ADARB1: variants seen among roughly 807,000 people sequenced by gnomAD.
ADARB1 encodes adenosine deaminase RNA specific B1.
ADARB1 carries 10 observed loss-of-function variants against 52.4 expected under a neutral mutation model. The ratio of observed to expected loss-of-function variants is 0.19; its 90% CI spans 0.12 to 0.32. The LOEUF (loss-of-function observed/expected upper bound fraction) is 0.32. Ranked by LOEUF, ADARB1 falls within the 10% of genes least tolerant of loss-of-function variation. The probability of loss-of-function intolerance (pLI) is 1.00; values close to 1 mark genes in which losing one functional copy is unlikely to be tolerated. For synonymous variants in ADARB1, 349 were observed against 371.1 expected, an observed-to-expected ratio of 0.94 and a Z score of 0.68; for missense variants, 643 against 922.3, an observed-to-expected ratio of 0.70 and a Z score of 3.92.
intron 2 of ADARB1, among the ~76,000 whole-genome samples, chr21:45,171,116 G>A (rs1480478569): frequency 1.3e-5 from 2 of 152,224 alleles, no homozygotes; most frequent in African/African-American, 2.4e-5. Flanking sequence ...TGGCAAGTAT[G>A]TGAGCGCCCT....
At chr21:45,102,573 A>G (rs1254527219) in intron 1 of ADARB1, among the ~76,000 whole-genome samples, 4 of 152,244 alleles carry the variant, frequency 2.6e-5, no homozygotes, top group Non-Finnish European at 5.9e-5. Flanking sequence ...AGAAACAAAC[A>G]TAACCACACC....
In ADARB1 at chr21:45,182,631, A is replaced by C; in HGVS notation, c.1125A>C (p.Thr375=). ...DAKVISVSTG[T]KCINGEYMSD... ...AGGTGATAAGTGTTTCTACAGGAAC[A>C]AAATGTATTAATGGTGAATACATGA... The change falls in exon 6 of 11, where the codon ACA becomes ACC. Residue 375 remains threonine, a synonymous_variant. Coordinates refer to ENST00000348831, the MANE Select transcript of ADARB1 (RefSeq NM_001112.4). 1 of 1,606,844 alleles carries C rather than the reference A, an allele frequency of 6.2e-7. No individual in the cohort carries two copies. The highest frequency in any genetic ancestry group is 8.5e-7 in the Non-Finnish European group (1 of 1,178,202).
At chr21:45,075,598 A>G (rs2085898265) in intron 1 of ADARB1, among the ~76,000 whole-genome samples, 1 of 152,146 alleles carries the variant, frequency 6.6e-6, no homozygotes, top group African/African-American at 2.4e-5. Flanking sequence ...GTGACTTTTG[A>G]CGTGTTCACA....
intron 2 of ADARB1, among the ~76,000 whole-genome samples, chr21:45,164,633 C>G (rs1297032497): frequency 6.6e-6 from 1 of 152,020 alleles, no homozygotes; most frequent in Non-Finnish European, 1.5e-5. Context: ...AGGGAGGGAA[C>G]AGGGAAGCAC....
At chr21:45,167,720 C>G (rs1466359918) in intron 2 of ADARB1, among the ~76,000 whole-genome samples, 1 of 152,112 alleles carries the variant, frequency 6.6e-6, no homozygotes, top group East Asian at 1.9e-4. Flanking sequence ...GCACTCCAGC[C>G]TGGGTGAGCG....
intron 1 of ADARB1, among the ~76,000 whole-genome samples, chr21:45,095,007 G>A (rs2086700072): frequency 6.6e-6 from 1 of 152,200 alleles, no homozygotes; most frequent in Non-Finnish European, 1.5e-5. Context: ...ATTTCAGTCT[G>A]TTCTGTTCAA....
intron 2 of ADARB1, among the ~76,000 whole-genome samples, chr21:45,129,957 G>C (rs28583101): frequency 1.3e-5 from 2 of 152,038 alleles, no homozygotes; most frequent in African/African-American, 4.8e-5. Context: ...TGCTTTTTTT[G>C]GGGGGGTACA....
intron 2 of ADARB1, among the ~76,000 whole-genome samples, chr21:45,164,699 T>C (rs2091168755): frequency 6.6e-6 from 1 of 152,052 alleles, no homozygotes; most frequent in Non-Finnish European, 1.5e-5. Context: ...GATGAGCACA[T>C]GGGCATGTGT....
intron 2 of ADARB1, chr21:45,136,970 A>G (rs968076294): frequency 2.6e-5 from 4 of 152,276 alleles, no homozygotes; most frequent in African/African-American, 9.6e-5. Flanking sequence ...AGAAGTACAC[A>G]ATTAACCACA....
chr21:45,185,859 G>C (rs999427087), intron 8 of ADARB1, among the ~76,000 whole-genome samples: 71 of 152,360 alleles, frequency 4.7e-4, no homozygotes, highest in African/African-American at 1.6e-3. Flanking sequence ...GGTTTTGACT[G>C]TCCATCCAGA....
chr21:45,084,138 C>T (rs373148576), intron 1 of ADARB1, among the ~76,000 whole-genome samples: 38 of 152,310 alleles, frequency 2.5e-4, no homozygotes, highest in African/African-American at 8.9e-4. Context: ...GCTGCAGGCT[C>T]CTTGGATGTA....
intron 8 of ADARB1, among the ~76,000 whole-genome samples, chr21:45,191,283 A>G (rs985289351): frequency 6.6e-6 from 1 of 152,146 alleles, no homozygotes; most frequent in Non-Finnish European, 1.5e-5. Flanking sequence ...CTTTTGTTAT[A>G]CCAGTGTTAT....
At chr21:45,132,163 C>G (rs1394012037) in intron 2 of ADARB1, 1 of 152,134 alleles carries the variant, frequency 6.6e-6, no homozygotes, top group African/African-American at 2.4e-5. Flanking sequence ...AAAATTTGGC[C>G]AAGAACGAGA....
intron 9 of ADARB1, among the ~76,000 whole-genome samples, chr21:45,217,134 A>C (rs576419931): frequency 6.6e-6 from 1 of 152,040 alleles, no homozygotes; most frequent in Non-Finnish European, 1.5e-5. Flanking sequence ...ATATGTTTGG[A>C]TCTTGCTTCT....
chr21:45,223,788 C>G lies in ADARB1; in HGVS notation c.*1591C>G, dbSNP rs2093007696. On this transcript the variant is annotated 3_prime_UTR_variant, in exon 11 of 11. Coordinates refer to ENST00000348831, the MANE Select transcript of ADARB1 (RefSeq NM_001112.4). ...CGTGGCTTCGGCGGGGGGTGTGCCTCCTGATGTCAGGAGCCCCATCCACGT... is the reference window on the plus strand; with the variant it reads ...CGTGGCTTCGGCGGGGGGTGTGCCTGCTGATGTCAGGAGCCCCATCCACGT... 1.0e-6 allele frequency: 1 copy of G among 985,292 alleles called. No individual in the cohort carries two copies. The allele number at this position is 985,292 out of a possible 1,614,324, so 61.0% of individuals were successfully genotyped here.
chr21:45,178,764 T>A (rs1024112689), intron 4 of ADARB1, among the ~76,000 whole-genome samples: 1 of 152,106 alleles, frequency 6.6e-6, no homozygotes, highest in African/African-American at 2.4e-5. Flanking sequence ...TTTTTTTTGT[T>A]CTTATATCTG....
intron 3 of ADARB1, among the ~76,000 whole-genome samples, chr21:45,173,671 A>G (rs2091576625): frequency 6.6e-6 from 1 of 150,658 alleles, no homozygotes; most frequent in Admixed American, 6.7e-5. Flanking sequence ...GCAGTAATCT[A>G]GTATGTCATG....
Position 45,176,395 on chromosome 21 carries a change from A to G in ADARB1, c.694A>G (p.Ser232Gly). The change falls in exon 4 of 11, where the codon AGT becomes GGT. Residue 232 changes from serine to glycine, a missense_variant. Physicochemically the swap from Ser to Gly is moderately conservative, Grantham distance 56. Transcript: ENST00000348831. This position sits in a 1 kb window ranked among gnomAD's most constrained non-coding sequence, Gnocchi z 5.8. ...TGTCTTACCACCATTCCCACCCCCGAGTGGGAAGAATCCCGTGATGATCTT... is the reference window on the plus strand; with the variant it reads ...TGTCTTACCACCATTCCCACCCCCGGGTGGGAAGAATCCCGTGATGATCTT... ...LPVLPPFPPPSGKNPVMILNE... is the reference protein window; with the variant it reads ...LPVLPPFPPPGGKNPVMILNE... The G allele has an allele frequency of 6.2e-7, 1 of 1,614,062 alleles. No homozygotes were observed. Among genetic ancestry groups the G allele is most frequent in the Non-Finnish European group, 8.5e-7 (1 of 1,180,010 alleles).
At chr21:45,111,240 G>A (rs919779220) in intron 1 of ADARB1, among the ~76,000 whole-genome samples, 2 of 152,194 alleles carry the variant, frequency 1.3e-5, no homozygotes, top group African/African-American at 4.8e-5. Context: ...TGTCACTTGA[G>A]CTTGTATCCT....
Sources: gnomAD v4.1 joint callset for allele counts (sites outside exome capture counted in the v4.1 genomes callset) on GRCh38, gnomAD v4.1.1 for gene constraint, Gnocchi (gnomAD v3.1) non-coding constraint, MANE v1.5 for transcripts, NCBI Gene and HGNC (gene_info 2026-07-23, HGNC 2026-07-21) for gene names.